Variants in GRM1 observed in about 807,000 individuals in gnomAD.
The protein encoded by GRM1 is glutamate metabotropic receptor 1.
In GRM1, 33 loss-of-function variants were observed where a neutral mutation model predicts 90.9. That is an observed-to-expected ratio of 0.36 (90% CI 0.28 to 0.49). The LOEUF (loss-of-function observed/expected upper bound fraction) is 0.49, where lower values mean the gene tolerates loss of function less well. GRM1 is among the 20% of genes least tolerant of loss of function. GRM1 has a pLI of 0.99. For missense variants in GRM1, 1,190 were observed against 1,534.3 expected (o/e 0.78, Z 3.75); for synonymous variants, 700 against 613.2 (o/e 1.14, Z -2.09).
intron 7 of GRM1, among the ~76,000 whole-genome samples, chr6:146,412,526 T>C (rs182717426): frequency 1.2e-3 from 189 of 152,316 alleles, no homozygotes; most frequent in African/African-American, 4.2e-3. Flanking sequence ...ACTACATTCA[T>C]ATGGCATCAT....
At chr6:146,168,646 A>G (rs991620900) in intron 2 of GRM1, among the ~76,000 whole-genome samples, 2 of 151,980 alleles carry the variant, frequency 1.3e-5, no homozygotes, top group Non-Finnish European at 2.9e-5. Context: ...ATCTACTGAG[A>G]CACATTTTCT....
At chr6:146,164,558 T>C (rs2128892660) in intron 2 of GRM1, among the ~76,000 whole-genome samples, 1 of 152,274 alleles carries the variant, frequency 6.6e-6, no homozygotes, top group Middle Eastern at 3.4e-3. Flanking sequence ...GTTGATGCTC[T>C]TCAATCAGCC....
At chr6:146,418,519 C>T (rs1777867505) in intron 7 of GRM1, among the ~76,000 whole-genome samples, 1 of 151,826 alleles carries the variant, frequency 6.6e-6, no homozygotes, top group South Asian at 2.1e-4. Context: ...CATTTTAACA[C>T]ACACGTATAC....
intron 7 of GRM1, among the ~76,000 whole-genome samples, chr6:146,409,241 G>C (rs1400169800): frequency 6.6e-6 from 1 of 152,098 alleles, no homozygotes; most frequent in African/African-American, 2.4e-5. Context: ...CACGCATGGT[G>C]AGTCTAAGGA....
chr6:146,222,219 A>AT (rs1188934734), intron 2 of GRM1, among the ~76,000 whole-genome samples: 2 of 152,228 alleles, frequency 1.3e-5, no homozygotes, highest in East Asian at 1.9e-4. Context: ...GACAATACAT[A>AT]TTTTTTATCT....
At chr6:146,283,091 C>T (rs752103077) in intron 2 of GRM1, among the ~76,000 whole-genome samples, 3 of 152,248 alleles carry the variant, frequency 2.0e-5, no homozygotes, top group Non-Finnish European at 4.4e-5. Context: ...TCTCTCAGCC[C>T]CAGGCCATGT....
chr6:146,285,479 C>A (rs1426012176), intron 2 of GRM1, among the ~76,000 whole-genome samples: 1 of 152,172 alleles, frequency 6.6e-6, no homozygotes, highest in Non-Finnish European at 1.5e-5. Flanking sequence ...TGCTTCCACA[C>A]ACTTTTCTTC....
At chr6:146,209,212 G>T (rs752887676) in intron 2 of GRM1, among the ~76,000 whole-genome samples, 16 of 152,056 alleles carry the variant, frequency 1.1e-4, no homozygotes, top group Non-Finnish European at 2.1e-4. Context: ...TGACCATGTT[G>T]CAGGTAACAG....
chr6:146,174,774 A>T (rs1778275878), intron 2 of GRM1, among the ~76,000 whole-genome samples: 1 of 152,248 alleles, frequency 6.6e-6, no homozygotes, highest in Non-Finnish European at 1.5e-5. Flanking sequence ...CTGTGGAGAA[A>T]GACTTGTGAA....
intron 2 of GRM1, among the ~76,000 whole-genome samples, chr6:146,204,767 C>G (rs1256416395): frequency 6.6e-6 from 1 of 152,130 alleles, no homozygotes. Flanking sequence ...TTGGGATGCT[C>G]AGGTTCATGG....
At chr6:146,368,382 T>A (rs1775777736) in intron 5 of GRM1, among the ~76,000 whole-genome samples, 1 of 152,006 alleles carries the variant, frequency 6.6e-6, no homozygotes, top group African/African-American at 2.4e-5. Flanking sequence ...TTGCCTAATT[T>A]CTCTGGCTAG....
chr6:146,108,040 A>G (rs1455472919), intron 1 of GRM1, among the ~76,000 whole-genome samples: 1 of 152,244 alleles, frequency 6.6e-6, no homozygotes, highest in African/African-American at 2.4e-5. Context: ...ATATAAATGT[A>G]TATAAATATA....
chr6:146,037,263 G>A (rs149284609), intron 1 of GRM1, among the ~76,000 whole-genome samples: 195 of 151,936 alleles, frequency 1.3e-3, no homozygotes, highest in African/African-American at 3.9e-3. Flanking sequence ...ACAGATTTTC[G>A]ACCCTAAACC....
intron 1 of GRM1, among the ~76,000 whole-genome samples, chr6:146,136,002 A>T (rs1776604201): frequency 6.6e-6 from 1 of 152,142 alleles, no homozygotes; most frequent in Non-Finnish European, 1.5e-5. Context: ...TTTGAATTTT[A>T]GCTTTCACAA....
In GRM1 at chr6:146,293,530, C is replaced by G. The variant is rs564144449; in HGVS notation, c.951-11081C>G. On this transcript the variant is annotated intron_variant, in intron 2 of 7. Coordinates refer to ENST00000282753, the MANE Select transcript of GRM1 (RefSeq NM_001278064.2). ...ATTTGACTTTATATATTTTTTACAA[C>G]AATATCGTGAGTGATATTGGCATAT... 1.8e-3 allele frequency among the ~76,000 whole-genome samples: 273 copies of G among 152,078 alleles called. 2 individuals are homozygous for G. The highest frequency in any genetic ancestry group is 6.0e-3 in the African/African-American group (250 of 41,550).
chr6:146,075,018 A>G (rs1410434496), intron 1 of GRM1, among the ~76,000 whole-genome samples: 1 of 152,164 alleles, frequency 6.6e-6, no homozygotes, highest in East Asian at 1.9e-4. Flanking sequence ...CATTTGAATG[A>G]GGATCAATTT....
At chr6:146,056,286 G>C (rs1355400141) in intron 1 of GRM1, among the ~76,000 whole-genome samples, 1 of 152,164 alleles carries the variant, frequency 6.6e-6, no homozygotes, top group East Asian at 1.9e-4. Context: ...GAACCTGAGT[G>C]AGTGGGAACT....
At chr6:146,419,845 A>G (rs904588058) in intron 7 of GRM1, among the ~76,000 whole-genome samples, 1 of 152,192 alleles carries the variant, frequency 6.6e-6, no homozygotes, top group Non-Finnish European at 1.5e-5. Context: ...ATCACCTCCC[A>G]CGAGACCCCT....
At chr6:146,275,169 CAGAG>C (rs3065079) in intron 2 of GRM1, among the ~76,000 whole-genome samples, 14,411 of 152,108 alleles carry the variant, frequency 0.095, 1,792 homozygotes, top group African/African-American at 0.28. Flanking sequence ...GCGAAACTGA[CAGAG>C]AGAGAAAAAC....
Sources: gnomAD v4.1 joint callset for allele counts (sites outside exome capture counted in the v4.1 genomes callset) on GRCh38, gnomAD v4.1.1 for gene constraint, MANE v1.5 for transcripts, NCBI Gene and HGNC (gene_info 2026-07-23, HGNC 2026-07-21) for gene names.